ZSCAN25: variants seen among roughly 807,000 people sequenced by gnomAD.
The protein encoded by ZSCAN25 is zinc finger and SCAN domain containing 25.
In ZSCAN25, 27 loss-of-function variants were observed where a neutral mutation model predicts 38.7. The ratio of observed to expected loss-of-function variants is 0.70; its 90% CI spans 0.51 to 0.96. The LOEUF (loss-of-function observed/expected upper bound fraction) is 0.96, where lower values mean the gene tolerates loss of function less well. Ranked by LOEUF, ZSCAN25 falls within the 40% of genes least tolerant of loss-of-function variation. ZSCAN25 has a pLI of 0.00. For missense variants in ZSCAN25, 637 were observed against 705.9 expected (o/e 0.90, Z 1.11); for synonymous variants, 273 against 277.7 (o/e 0.98, Z 0.17).
chr7:99,702,264 A>AT, the ZSCAN25 span, among the ~76,000 whole-genome samples: 1 of 151,650 alleles, frequency 6.6e-6, no homozygotes, highest in Non-Finnish European at 1.5e-5. Context: ...TAACTTTTGT[A>AT]TTTTTTGGTA....
the ZSCAN25 span, among the ~76,000 whole-genome samples, chr7:99,677,612 CTG>C: frequency 6.6e-6 from 1 of 152,152 alleles, no homozygotes; most frequent in Non-Finnish European, 1.5e-5. Context: ...TAAAATAAAA[CTG>C]AGAAATTACA....
the ZSCAN25 span, among the ~76,000 whole-genome samples, chr7:99,682,617 T>G: frequency 1.3e-5 from 2 of 152,140 alleles, no homozygotes; most frequent in Non-Finnish European, 2.9e-5. Flanking sequence ...GGGTCTTTTG[T>G]GGTTCCATAC....
At chr7:99,719,303 A>G in the ZSCAN25 span, among the ~76,000 whole-genome samples, 115,895 of 152,156 alleles carry the variant, frequency 0.76, 47,129 homozygotes, top group Non-Finnish European at 0.91. Context: ...GGAGGAATAA[A>G]CACAGTGATC....
At chr7:99,730,337 A>C in the ZSCAN25 span, among the ~76,000 whole-genome samples, 3 of 152,218 alleles carry the variant, frequency 2.0e-5, no homozygotes, top group African/African-American at 7.2e-5. Flanking sequence ...TAAATATCTG[A>C]GGTTAATAGA....
At chr7:99,717,413 A>C in the ZSCAN25 span, 5 of 1,581,280 alleles carry the variant, frequency 3.2e-6, no homozygotes, top group Non-Finnish European at 4.3e-6. Context: ...TATTTTTAGG[A>C]AGCTCAAATT....
chr7:99,645,528 C>G, the ZSCAN25 span, among the ~76,000 whole-genome samples: 1 of 151,994 alleles, frequency 6.6e-6, no homozygotes, highest in African/African-American at 2.4e-5. Context: ...GAGGAATTGC[C>G]ACACTATTTT....
chr7:99,736,544 A>G, the ZSCAN25 span, among the ~76,000 whole-genome samples: 1 of 152,182 alleles, frequency 6.6e-6, no homozygotes, highest in Admixed American at 6.5e-5. Context: ...TCAGCTCATT[A>G]TCATCACTCA....
the ZSCAN25 span, chr7:99,708,014 T>G: frequency 6.2e-7 from 1 of 1,613,282 alleles, no homozygotes; most frequent in Non-Finnish European, 8.5e-7. Context: ...GTTAAAGACA[T>G]AATACCTCTA....
chr7:99,679,682 A>G, the ZSCAN25 span: 1 of 709,086 alleles, frequency 1.4e-6, no homozygotes, highest in Non-Finnish European at 2.4e-6. Context: ...GATAATAATA[A>G]CTTCTATGCG....
chr7:99,626,671 C>G (rs1464657048), intron 7 of ZSCAN25, among the ~76,000 whole-genome samples: 1 of 152,134 alleles, frequency 6.6e-6, no homozygotes, highest in East Asian at 1.9e-4. Context: ...ATGGAAAGTT[C>G]CATTTGTTGA....
At chr7:99,730,874 A>C in the ZSCAN25 span, 1 of 694,616 alleles carries the variant, frequency 1.4e-6, no homozygotes, top group East Asian at 2.9e-5. Flanking sequence ...GGCAAACTTG[A>C]GGTTCCTGAG....
chr7:99,671,857 T>C, the ZSCAN25 span: 1 of 702,982 alleles, frequency 1.4e-6, no homozygotes. Flanking sequence ...TGCATCTTGA[T>C]GGTGCTGGTC....
chr7:99,716,802 C>A, the ZSCAN25 span, among the ~76,000 whole-genome samples: 3 of 152,182 alleles, frequency 2.0e-5, no homozygotes, highest in African/African-American at 7.2e-5. Flanking sequence ...AACTTTCCCA[C>A]CCTACTCACT....
At chr7:99,662,976 C>T in the ZSCAN25 span, 4 of 1,564,502 alleles carry the variant, frequency 2.6e-6, no homozygotes, top group South Asian at 3.6e-5. The surrounding 1 kb of genome is among the most constrained non-coding windows in gnomAD (Gnocchi z 4.3). Flanking sequence ...TTCTTGACTT[C>T]CCTCCCTCAA....
intron 7 of ZSCAN25, among the ~76,000 whole-genome samples, chr7:99,625,026 C>T (rs113951522): frequency 8.2e-4 from 125 of 152,312 alleles, no homozygotes; most frequent in Non-Finnish European, 1.5e-3. Flanking sequence ...CCCACCTAGC[C>T]TTTCCTTATC....
At chr7:99,641,444 G>C in the ZSCAN25 span, among the ~76,000 whole-genome samples, 1 of 152,252 alleles carries the variant, frequency 6.6e-6, no homozygotes, top group East Asian at 1.9e-4. Context: ...TATAATTCAA[G>C]ATGAGATTTG....
the ZSCAN25 span, chr7:99,638,485 G>A: frequency 3.3e-6 from 5 of 1,503,020 alleles, no homozygotes; most frequent in Non-Finnish European, 3.7e-6. Context: ...TCATCGGTGC[G>A]GTGGCAGTCG....
chr7:99,622,362 G>A (rs1584350144), intron 5 of ZSCAN25, 187 bp from the exon 6 acceptor site: 1 of 643,206 alleles, frequency 1.6e-6, no homozygotes, highest in East Asian at 2.8e-5. Flanking sequence ...CCCCAGCTGA[G>A]AATAGGGCAA....
the ZSCAN25 span, among the ~76,000 whole-genome samples, chr7:99,702,359 G>T: frequency 6.6e-6 from 1 of 152,070 alleles, no homozygotes; most frequent in African/African-American, 2.4e-5. Context: ...TCAAAGTGCT[G>T]GGATCACAGG....
Sources: allele counts gnomAD v4.1 joint callset (sites outside exome capture counted in the v4.1 genomes callset), GRCh38; gene constraint gnomAD v4.1.1; non-coding constraint Gnocchi (gnomAD v3.1); transcripts MANE v1.5; gene names NCBI Gene and HGNC (gene_info 2026-07-23, HGNC 2026-07-21).